COTL1: variants seen among roughly 807,000 people sequenced by gnomAD.
COTL1 encodes the protein coactosin like F-actin binding protein 1.
A neutral mutation model predicts 16.5 loss-of-function variants in COTL1; 15 were observed. The observed-to-expected ratio is 0.91, with a 90% CI of 0.61 to 1.40. The LOEUF (loss-of-function observed/expected upper bound fraction) is 1.40. Ranked by LOEUF, COTL1 falls within the 40% of genes most tolerant of loss-of-function variation. COTL1 has a pLI of 0.00. For synonymous variants in COTL1, 112 were observed against 85.3 expected (o/e 1.31, Z -1.73); for missense variants, 220 against 201.5 (o/e 1.09, Z -0.56).
rs1044744516 is a variant in COTL1, at chr16:84,617,536, C to T, written c.125G>A (p.Gly42Glu). The T allele has an allele frequency of 2.6e-6, 4 of 1,557,578 alleles. No individual in the cohort carries two copies. Among genetic ancestry groups the T allele is most frequent in the Non-Finnish European group, 3.5e-6 (4 of 1,150,124 alleles). Residue 42 changes from glycine to glutamate, a missense_variant, in exon 2 of 4, where the codon GGA (glycine) becomes GAA (glutamate). Coordinates refer to ENST00000262428, the MANE Select transcript of COTL1 (RefSeq NM_021149.5). ...DGSTIVPGEQ[G>E]AEYQHFIQQC... ...CTGGATGAAGTGCTGGTACTCCGCT[C>T]CCTGCTCGCCGGGGACGATGGTGGA...
At position 84,580,999 on chromosome 16, in the gene COTL1, G is replaced by A. The variant is rs145536163; in HGVS notation, c.318+9106C>T. Among the ~76,000 whole-genome samples the A allele has an allele frequency of 7.4e-3, 1,131 of 152,158 alleles. 19 individuals carry two copies. Among genetic ancestry groups the A allele is most frequent in the African/African-American group, 0.026 (1,069 of 41,496 alleles). ...CTACTAAAAATACAAAAATTAGGCT[G>A]GGCATGGTGGCAGGTGCCTGTGGTC... On this transcript the variant is annotated intron_variant, in intron 3 of 3. Transcript: ENST00000262428.
intron 3 of COTL1, among the ~76,000 whole-genome samples, chr16:84,573,870 G>T (rs1422245518): frequency 6.6e-6 from 1 of 151,836 alleles, no homozygotes; most frequent in Non-Finnish European, 1.5e-5. Context: ...AATAGTGAAG[G>T]GAGGTGGGGC....
intron 2 of COTL1, among the ~76,000 whole-genome samples, chr16:84,602,599 A>T (rs978677262): frequency 1.3e-5 from 2 of 152,172 alleles, no homozygotes; most frequent in South Asian, 4.1e-4. Context: ...TCATGCCTGT[A>T]ATCCCAGCAC....
In COTL1 at chr16:84,617,558, T is replaced by C. The variant is rs1202045476; in HGVS notation, c.103A>G (p.Thr35Ala). ...GCTCCCTGCTCGCCGGGGACGATGG[T>C]GGAGCCGTCATATTTAAAAGTCACC... Reference protein sequence around the residue: ...IWVTFKYDGSTIVPGEQGAEY... With the variant: ...IWVTFKYDGSAIVPGEQGAEY... Residue 35 changes from threonine to alanine, a missense_variant, in exon 2 of 4, where the codon ACC becomes GCC. Physicochemically the swap from Thr to Ala is moderately conservative, Grantham distance 58. Coordinates refer to ENST00000262428, the MANE Select transcript of COTL1 (RefSeq NM_021149.5). The C allele has an allele frequency of 6.4e-7, 1 of 1,558,080 alleles. No homozygotes were observed. The highest frequency in any genetic ancestry group is 8.7e-7 in the Non-Finnish European group (1 of 1,150,276).
intron 2 of COTL1, among the ~76,000 whole-genome samples, chr16:84,606,100 T>A (rs1905206258): frequency 6.6e-6 from 1 of 152,258 alleles, no homozygotes; most frequent in Non-Finnish European, 1.5e-5. Context: ...AAATAAAATA[T>A]TAAATGCTGA....
chr16:84,593,325 A>C (rs959759930), intron 2 of COTL1, among the ~76,000 whole-genome samples: 1 of 152,196 alleles, frequency 6.6e-6, no homozygotes, highest in Non-Finnish European at 1.5e-5. Flanking sequence ...CTGGTGACCA[A>C]CTGGATGTGA....
intron 3 of COTL1, among the ~76,000 whole-genome samples, chr16:84,583,321 T>C (rs937010225): frequency 2.0e-5 from 3 of 152,178 alleles, no homozygotes; most frequent in South Asian, 2.1e-4. Context: ...GTCAGGCACA[T>C]AGTAGGGCCA....
At chr16:84,598,834 C>G (rs1178542271) in intron 2 of COTL1, among the ~76,000 whole-genome samples, 112 of 122,920 alleles carry the variant, frequency 9.1e-4, no homozygotes, top group African/African-American at 3.0e-3. Flanking sequence ...TGGGGGGGAG[C>G]AAGCAGGGGG....
rs1177808061 is a variant in COTL1 at position 84,566,718 on chromosome 16, G to A, written c.*127C>T. ...GTGGGGGCTGTGGACACAGGGTGGC[G>A]GGCGCTGCCTCTCATGGCTTCTTTT... is the stretch of plus-strand genomic sequence containing the variant. On this transcript the variant is annotated 3_prime_UTR_variant, in exon 4 of 4. Coordinates refer to ENST00000262428, the MANE Select transcript of COTL1 (RefSeq NM_021149.5). 2.2e-5 allele frequency: 14 copies of A among 632,872 alleles called. No individual in the cohort carries two copies. The highest frequency in any genetic ancestry group is 1.5e-4 in the African/African-American group (8 of 54,658). 39.2% of individuals were successfully genotyped at this position (632,872 alleles called of 1,614,324 possible).
intron 2 of COTL1, among the ~76,000 whole-genome samples, chr16:84,605,316 T>C (rs1408821052): frequency 1.3e-5 from 2 of 152,200 alleles, no homozygotes; most frequent in African/African-American, 2.4e-5. Context: ...GCGTACTGCC[T>C]CGGCTGTGAA....
intron 3 of COTL1, among the ~76,000 whole-genome samples, chr16:84,578,760 C>T (rs1310600664): frequency 6.6e-6 from 1 of 151,956 alleles, no homozygotes; most frequent in Non-Finnish European, 1.5e-5. Context: ...TGCACATGCA[C>T]ATACAGGCAT....
At chr16:84,605,670 A>C (rs1046824648) in intron 2 of COTL1, among the ~76,000 whole-genome samples, 2 of 152,222 alleles carry the variant, frequency 1.3e-5, no homozygotes, top group African/African-American at 4.8e-5. Flanking sequence ...AAGCCAAAGA[A>C]TGCAGGCAGT....
At chr16:84,593,399 T>A (rs1434822689) in intron 2 of COTL1, among the ~76,000 whole-genome samples, 1 of 152,230 alleles carries the variant, frequency 6.6e-6, no homozygotes, top group Non-Finnish European at 1.5e-5. Flanking sequence ...CCACCTCCCA[T>A]GCCCCGGGGA....
chr16:84,608,467 G>A (rs1010971690), intron 2 of COTL1, among the ~76,000 whole-genome samples: 2 of 152,116 alleles, frequency 1.3e-5, no homozygotes, highest in African/African-American at 2.4e-5. Flanking sequence ...CAAAGCCCAC[G>A]CCCCTGTGGA....
chr16:84,596,047 A>T (rs2050829350), intron 2 of COTL1: 1 of 152,124 alleles, frequency 6.6e-6, no homozygotes, highest in African/African-American at 2.4e-5. Context: ...CATCACCCTC[A>T]CTGTGCCACT....
At chr16:84,571,244 A>G (rs16974169) in intron 3 of COTL1, among the ~76,000 whole-genome samples, 22,764 of 152,074 alleles carry the variant, frequency 0.15, 1,931 homozygotes, top group East Asian at 0.31. Context: ...CAAGGTGTAC[A>G]GCCTGGGACT....
intron 2 of COTL1, among the ~76,000 whole-genome samples, chr16:84,591,463 C>G (rs538085296): frequency 6.9e-4 from 104 of 150,034 alleles, no homozygotes; most frequent in African/African-American, 2.5e-3. Flanking sequence ...GGATTACAGG[C>G]GTGAGCCACC....
chr16:84,571,967 C>G (rs1904345140), intron 3 of COTL1, among the ~76,000 whole-genome samples: 1 of 152,224 alleles, frequency 6.6e-6, no homozygotes, highest in Non-Finnish European at 1.5e-5. Context: ...AAAGGTGAGC[C>G]AGCACCTTCC....
At chr16:84,580,042 C>T (rs531010234) in intron 3 of COTL1, among the ~76,000 whole-genome samples, 3 of 152,322 alleles carry the variant, frequency 2.0e-5, no homozygotes, top group East Asian at 1.9e-4. Flanking sequence ...CCACAGCGTC[C>T]GGAGGCCAGC....
Sources: allele counts gnomAD v4.1 joint callset (sites outside exome capture counted in the v4.1 genomes callset), GRCh38; gene constraint gnomAD v4.1.1; transcripts MANE v1.5; gene names NCBI Gene and HGNC (gene_info 2026-07-23, HGNC 2026-07-21).